The following TCTN2 variants were observed in gnomAD, a reference collection of about 807,000 sequenced individuals.
TCTN2 encodes the protein tectonic family member 2.
Under a neutral mutation model 83.4 loss-of-function variants are expected in TCTN2, and 66 were observed. The ratio of observed to expected loss-of-function variants is 0.79; its 90% CI spans 0.65 to 0.97. The LOEUF is 0.97. Ranked by LOEUF, TCTN2 falls within the 50% of genes least tolerant of loss-of-function variation. TCTN2 has a pLI of 0.00. For synonymous variants in TCTN2, 301 were observed against 326.7 expected, an observed-to-expected ratio of 0.92 and a Z score of 0.85; for missense variants, 794 against 858.1, an observed-to-expected ratio of 0.93 and a Z score of 0.93.
intron 5 of TCTN2, among the ~76,000 whole-genome samples, chr12:123,682,538 A>T (rs529057104): frequency 6.6e-6 from 1 of 151,810 alleles, no homozygotes; most frequent in Admixed American, 6.6e-5. Context: ...CTGGAGGGCA[A>T]TGGTGTGATC....
At chr12:123,707,400 C>G (rs1333744915) in intron 17 of TCTN2, among the ~76,000 whole-genome samples, 1 of 152,070 alleles carries the variant, frequency 6.6e-6, no homozygotes, top group Non-Finnish European at 1.5e-5. Flanking sequence ...CACCAATATG[C>G]CTGGCTATTT....
intron 4 of TCTN2, 98 bp downstream of exon 4, chr12:123,673,908 T>G: frequency 8.5e-7 from 1 of 1,171,652 alleles, no homozygotes; most frequent in Admixed American, 1.7e-5. Context: ...GTTGATGCTA[T>G]AAATGAGCTG....
chr12:123,705,690 C>G (rs373942795), intron 15 of TCTN2, among the ~76,000 whole-genome samples: 1 of 152,040 alleles, frequency 6.6e-6, no homozygotes, highest in Non-Finnish European at 1.5e-5. Context: ...ACCAGCAATC[C>G]AGGCTTATGT....
At position 123,706,975 on chromosome 12, in the gene TCTN2, T is replaced by C. The variant is rs368627092; in HGVS notation, c.1896-10T>C. 6.2e-7 allele frequency: 1 copy of C among 1,614,000 alleles called. No homozygotes were observed. The highest frequency in any genetic ancestry group is 8.5e-7 in the Non-Finnish European group (1 of 1,179,882). ...TTGTAGTTTTTGTAACCCTCTAAAA[T>C]GTTTTCTAGATTCCAGATCAATTAT... is the stretch of plus-strand genomic sequence containing the variant. On this transcript the variant is annotated splice_polypyrimidine_tract_variant and intron_variant, in intron 16 of 17. Transcript: ENST00000303372.
chr12:123,695,087 T>C, intron 10 of TCTN2, 111 bp downstream of exon 10: 5 of 1,480,686 alleles, frequency 3.4e-6, no homozygotes, highest in South Asian at 1.2e-5. Context: ...TTGTTTCTTA[T>C]GTGCATTTAT....
At position 123,704,663 on chromosome 12, in the gene TCTN2, C is replaced by T. The variant is rs767291127; in HGVS notation, c.1744C>T (p.Gln582Ter). Residue 582 changes from glutamine (Q) to a stop codon, truncating the protein, a stop_gained, in exon 15 of 18, where the codon CAG becomes TAG. Coordinates refer to ENST00000303372, the MANE Select transcript of TCTN2 (RefSeq NM_024809.5). LOFTEE classifies it high-confidence loss of function. ...DAGAVEGITQ[Q>*]EILGVETRFS... Reference sequence around the variant, plus strand: ...TGGCGCGGTGGAAGGGATTACTCAGCAGGAGATACTCGGTGTAGAGACAAG... The same window carrying T: ...TGGCGCGGTGGAAGGGATTACTCAGTAGGAGATACTCGGTGTAGAGACAAG... 2.5e-6 allele frequency: 4 copies of T among 1,613,360 alleles called. No individual in the cohort carries two copies. In the Admixed American group the frequency reaches 6.7e-5, roughly 27 times the overall value.
At chr12:123,705,453 G>A (rs1490112013) in intron 15 of TCTN2, among the ~76,000 whole-genome samples, 2 of 152,068 alleles carry the variant, frequency 1.3e-5, no homozygotes, top group Non-Finnish European at 2.9e-5. Flanking sequence ...GAGCCACCGC[G>A]CCCAGCCTGC....
At position 123,695,230 on chromosome 12, in the gene TCTN2, A is replaced by G. The variant is rs760360790; in HGVS notation, c.1245A>G (p.Thr415=). 1.2e-5 allele frequency: 19 copies of G among 1,570,650 alleles called. No individual in the cohort carries two copies. Among genetic ancestry groups the G allele is most frequent in the Non-Finnish European group, 1.4e-5 (16 of 1,140,898 alleles). Residue 415 remains threonine (T), a synonymous_variant, in exon 11 of 18, where the codon ACA becomes ACG. Transcript: ENST00000303372. ...TTGTTTTATTTCTAGGGATAATGAC[A>G]CAGAGATTTGTAGTAAAATTTTTAA... is the stretch of plus-strand genomic sequence containing the variant. The part of the protein sequence containing the change: ...EINAHQKGIM[T]QRFVVKFLSY...
intron 8 of TCTN2, 111 bp from the exon 9 acceptor site, chr12:123,692,547 C>A: frequency 1.2e-6 from 1 of 851,182 alleles, no homozygotes; most frequent in South Asian, 1.4e-5. Context: ...GTAGTCAGCA[C>A]CCTGGGCAGT....
chr12:123,674,917 G>T (rs141872805), intron 4 of TCTN2, among the ~76,000 whole-genome samples: 2 of 152,086 alleles, frequency 1.3e-5, no homozygotes, highest in Non-Finnish European at 1.5e-5. Flanking sequence ...TGTTACCCAG[G>T]CTGGAGCTAG....
Position 123,687,123 on chromosome 12 carries a change from G to A in TCTN2, c.764+88G>A, listed in dbSNP as rs956218311. 29 of 1,494,838 alleles carry A rather than the reference G, an allele frequency of 1.9e-5. No homozygotes were observed. The Admixed American group carries it at 2.2e-4, about 11-fold the overall frequency. 92.6% of individuals were successfully genotyped at this position (1,494,838 alleles called of 1,614,324 possible). ...CTAGTAGGCCCTGCAACGCGGTCAC[G>A]TTTTTCCCAACCCCTCTCCAGAGGT... On this transcript the variant is annotated intron_variant, in intron 6 of 17. Transcript: ENST00000303372.
At chr12:123,685,373 C>T (rs1259097004) in intron 5 of TCTN2, among the ~76,000 whole-genome samples, 3 of 152,220 alleles carry the variant, frequency 2.0e-5, no homozygotes, top group Non-Finnish European at 4.4e-5. Context: ...TTACAGCTCT[C>T]TGGATCCTTC....
chr12:123,700,441 GT>G (rs140917000), intron 14 of TCTN2, among the ~76,000 whole-genome samples: 16 of 151,320 alleles, frequency 1.1e-4, no homozygotes, highest in Non-Finnish European at 2.4e-4. Flanking sequence ...TGTTTGGTTG[GT>G]TTTTTTTGAG....
Position 123,704,546 on chromosome 12 carries a change from G to A in TCTN2, c.1627G>A (p.Asp543Asn), listed in dbSNP as rs1363553437. ...CATTTCTATAGGTGTAGATGCCCCT[G>A]ATCCAGGTGCAGACCCGCTGGCTAG... ...WLEIIRVDAP[D>N]PGADPLASSV... Residue 543 changes from aspartate (D) to asparagine (N), a missense_variant, in exon 15 of 18, where the codon GAT becomes AAT. Asp to Asn is a conservative substitution (Grantham distance 23). Transcript: ENST00000303372. The A allele has an allele frequency of 1.2e-6, 2 of 1,612,588 alleles. No homozygotes were observed. Among genetic ancestry groups the A allele is most frequent in the South Asian group, 2.2e-5 (2 of 90,854 alleles).
At chr12:123,673,534 C>A in intron 3 of TCTN2, 81 bp from the exon 4 acceptor site, 1 of 1,407,368 alleles carries the variant, frequency 7.1e-7, no homozygotes, top group Non-Finnish European at 1.0e-6. Context: ...CTGATGTGTA[C>A]TTTTATTGTG....
intron 5 of TCTN2, 43 bp from the exon 6 acceptor site, chr12:123,686,793 C>A: frequency 6.2e-7 from 1 of 1,601,492 alleles, no homozygotes; most frequent in Non-Finnish European, 8.6e-7. Context: ...GCCAGGAGAT[C>A]CTGACCACGG....
In TCTN2 at chr12:123,696,452, CAA is replaced by C; in HGVS notation, c.1351_1352del (p.Asn451GlnfsTer4). 6.2e-7 allele frequency: 1 copy of C among 1,614,128 alleles called. No individual in the cohort carries two copies. Among genetic ancestry groups the C allele is most frequent in the Non-Finnish European group, 8.5e-7 (1 of 1,180,002 alleles). On this transcript the variant is annotated frameshift_variant, in exon 12 of 18. Coordinates refer to ENST00000303372, the MANE Select transcript of TCTN2 (RefSeq NM_024809.5). LOFTEE classifies it high-confidence loss of function. The part of the protein sequence containing the change: ...LGKPVRALNI[N>X]RMNNVTTLHL... ...GCAAGCCTGTCCGAGCTCTAAATAT[CAA>C]CAGGATGAATAATGTCACGACTTTA...
At chr12:123,693,018 CTTTTTTTTTTTTT>C (rs539689505) in intron 9 of TCTN2, among the ~76,000 whole-genome samples, 1 of 53,780 alleles carries the variant, frequency 1.9e-5, no homozygotes, top group African/African-American at 8.5e-5. Flanking sequence ...TTAAATAATT[CTTTTTTTTTTTTT>C]TTTTTTTTTT....
At chr12:123,703,179 T>C (rs1956191646) in intron 14 of TCTN2, among the ~76,000 whole-genome samples, 1 of 149,860 alleles carries the variant, frequency 6.7e-6, no homozygotes, top group African/African-American at 2.5e-5. Context: ...TATTTTTTTT[T>C]CAATTATTAT....
Sources: gnomAD v4.1 joint callset for allele counts (sites outside exome capture counted in the v4.1 genomes callset) on GRCh38, gnomAD v4.1.1 for gene constraint, MANE v1.5 for transcripts, NCBI Gene and HGNC (gene_info 2026-07-23, HGNC 2026-07-21) for gene names.